The following MROH1 variants were observed in gnomAD, a reference collection of about 807,000 sequenced individuals.
MROH1 encodes the protein maestro heat-like repeat-containing protein family member 1.
Under a neutral mutation model 116.5 loss-of-function variants are expected in MROH1, and 117 were observed. That is an observed-to-expected ratio of 1.00 (90% CI 0.86 to 1.17). The LOEUF is 1.17. Among genes scored for constraint, MROH1 ranks in the 50% most tolerant of loss-of-function variants. The probability of loss-of-function intolerance (pLI) is 0.00; values close to 1 mark genes in which losing one functional copy is unlikely to be tolerated. For synonymous variants in MROH1, 921 were observed against 583.9 expected, an observed-to-expected ratio of 1.58 and a Z score of -8.32; for missense variants, 1,873 against 1,338.5, an observed-to-expected ratio of 1.40 and a Z score of -6.23.
At chr8:144,193,729 T>G (rs1829188536) in intron 10 of MROH1, among the ~76,000 whole-genome samples, 1 of 151,866 alleles carries the variant, frequency 6.6e-6, no homozygotes, top group Non-Finnish European at 1.5e-5. Context: ...TGCCTCAGCC[T>G]CCTGAGTAGC....
chr8:144,210,719 T>C (rs1833925941), intron 12 of MROH1, among the ~76,000 whole-genome samples: 1 of 152,088 alleles, frequency 6.6e-6, no homozygotes. Context: ...TATATATATA[T>C]ACATTCAAAT....
rs1189614086 is a variant in MROH1 at position 144,247,577 on chromosome 8, G to A, written c.3018G>A (p.Arg1006=). ...CCTGCCGCCTCTCAGGCTTCTCCCG[G>A]GACTACCGCGATGACGTGGCGGAGC... ...YLQLGYEGFS[R]DYRDDVAERL... is the part of the protein sequence containing the mutation. The change falls in exon 31 of 44, where the codon CGG becomes CGA. Residue 1006 remains arginine (R), a synonymous_variant. Coordinates refer to ENST00000326134, the MANE Select transcript of MROH1 (RefSeq NM_032450.3). 3 of 774,324 alleles carry A rather than the reference G, an allele frequency of 3.9e-6. No homozygotes were observed. Among genetic ancestry groups the A allele is most frequent in the Non-Finnish European group, 7.2e-6 (3 of 417,104 alleles). The allele number at this position is 774,324 out of a possible 1,614,324, so 48.0% of individuals were successfully genotyped here. A position where few individuals can be genotyped will look rare whatever the true frequency, so the allele number is the denominator to read the frequency against.
rs1352034402 is a variant in MROH1, at chr8:144,180,784, G to T, written c.562+261G>T. ...GGTCCACTGAGGGCTGGACGTGCCT[G>T]GGGGGTAGGAAGAGACTTCCTCGAA... is the stretch of plus-strand genomic sequence containing the variant. On this transcript the variant is annotated intron_variant, in intron 7 of 43. Transcript: ENST00000326134. The surrounding 1 kb of genome is among the most constrained non-coding windows in gnomAD (Gnocchi z 7.4). Among the ~76,000 whole-genome samples the T allele has an allele frequency of 1.3e-5, 2 of 152,230 alleles. No individual in the cohort carries two copies. The highest frequency in any genetic ancestry group is 4.8e-5 in the African/African-American group (2 of 41,540).
At chr8:144,241,220 G>A (rs1390731307) in intron 21 of MROH1, 109 bp downstream of exon 21, 1 of 699,222 alleles carries the variant, frequency 1.4e-6, no homozygotes, top group African/African-American at 1.8e-5. Flanking sequence ...GTGTGCGTGT[G>A]TGCATACACA....
intron 1 of MROH1, chr8:144,148,646 G>A (rs1815991517): frequency 6.5e-6 from 1 of 152,722 alleles, no homozygotes. Flanking sequence ...TCACGAGGAT[G>A]ACTGGTCATA....
At chr8:144,220,457 G>T in intron 12 of MROH1, 143 bp from the exon 13 acceptor site, 1 of 635,386 alleles carries the variant, frequency 1.6e-6, no homozygotes. Flanking sequence ...TTTGTCCCCT[G>T]AAGAAAAGTG....
rs915699208 is a variant in MROH1 at position 144,250,227 on chromosome 8, A to C, written c.3289A>C (p.Ser1097Arg). Residue 1097 changes from serine (S) to arginine (R), a missense_variant, in exon 33 of 44, where the codon AGC (serine) becomes CGC (arginine). By Grantham distance (110) the Ser-to-Arg change is moderately radical (BLOSUM62 -1). Transcript: ENST00000326134. Reference sequence around the variant, plus strand: ...CCATCTACAGGTGCCCGAGATCGTGAGCGTCCTGCGCTCCAAGCTTCAGGA... The same window carrying C: ...CCATCTACAGGTGCCCGAGATCGTGCGCGTCCTGCGCTCCAAGCTTCAGGA... ...VLQEKVPEIV[S>R]VLRSKLQEAQ... 231 of 767,556 alleles carry C rather than the reference A, an allele frequency of 3.0e-4. 1 individual carries two copies. In the African/African-American group the frequency reaches 3.6e-3, roughly 12 times the overall value. The allele number at this position is 767,556 out of a possible 1,614,324, so 47.5% of individuals were successfully genotyped here. A position where few individuals can be genotyped will look rare whatever the true frequency, so the allele number is the denominator to read the frequency against.
intron 10 of MROH1, among the ~76,000 whole-genome samples, chr8:144,195,021 C>T (rs13255456): frequency 6.6e-6 from 1 of 151,562 alleles, no homozygotes; most frequent in Non-Finnish European, 1.5e-5. Context: ...AAAACACTAT[C>T]TACAATAGCA....
intron 9 of MROH1, 110 bp from the exon 10 acceptor site, chr8:144,192,199 T>C (rs1467396327): frequency 2.2e-6 from 2 of 904,080 alleles, no homozygotes; most frequent in East Asian, 5.3e-5. Context: ...GGGGCCCATG[T>C]CCTCCTGGCC....
intron 14 of MROH1, among the ~76,000 whole-genome samples, chr8:144,224,483 T>C (rs923740208): frequency 6.6e-6 from 1 of 152,000 alleles, no homozygotes; most frequent in African/African-American, 2.4e-5. Context: ...CCAGGTTGCT[T>C]TCGAACTCTT....
In MROH1 at chr8:144,175,436, T is replaced by G. The variant is rs996584752; in HGVS notation, c.169-4019T>G. ...TGCTGCTCCCAGCTCAGCCATGCTC[T>G]GACTAGATAGAACCAGACCAATTTA... On this transcript the variant is annotated intron_variant, in intron 4 of 43. Transcript: ENST00000326134. 37 of 944,816 alleles carry G rather than the reference T, an allele frequency of 3.9e-5. No homozygotes were observed. The African/African-American group carries it at 5.7e-4, about 14-fold the overall frequency. The allele number at this position is 944,816 out of a possible 1,614,324, so 58.5% of individuals were successfully genotyped here.
chr8:144,254,974 T>C lies in MROH1; in HGVS notation c.3590T>C (p.Leu1197Pro), dbSNP rs1843436188. The C allele has an allele frequency of 5.2e-6, 4 of 762,668 alleles. No homozygotes were observed. The South Asian group carries it at 5.5e-5, about 11-fold the overall frequency. 47.2% of individuals were successfully genotyped at this position (762,668 alleles called of 1,614,324 possible). Reference sequence around the variant, plus strand: ...GACCGCGTGGCCACGCTGCTGCCTCTCTCGGTGAGTCGGGCTCTCGGGGCC... The same window carrying C: ...GACCGCGTGGCCACGCTGCTGCCTCCCTCGGTGAGTCGGGCTCTCGGGGCC... Reference protein sequence around the residue: ...TPDRVATLLPLSATCALFEVM... With the variant: ...TPDRVATLLPPSATCALFEVM... Residue 1197 changes from leucine to proline, a missense_variant, in exon 34 of 44, where the codon CTC (leucine) becomes CCC (proline). Physicochemically the swap from Leu to Pro is moderately conservative, Grantham distance 98. Transcript: ENST00000326134.
chr8:144,154,325 C>T (rs947686509), intron 1 of MROH1, among the ~76,000 whole-genome samples: 2 of 152,176 alleles, frequency 1.3e-5, no homozygotes, highest in Non-Finnish European at 2.9e-5. Flanking sequence ...CTATAGACCT[C>T]AGTCTATGGT....
At chr8:144,217,462 A>T (rs1015947622) in intron 12 of MROH1, among the ~76,000 whole-genome samples, 1 of 152,220 alleles carries the variant, frequency 6.6e-6, no homozygotes, top group Non-Finnish European at 1.5e-5. Context: ...AATCTGAAAC[A>T]CATCGGGTCG....
intron 4 of MROH1, among the ~76,000 whole-genome samples, chr8:144,174,069 G>C (rs1281036525): frequency 1.3e-5 from 2 of 152,174 alleles, no homozygotes; most frequent in Non-Finnish European, 2.9e-5. Context: ...TATAGGCACA[G>C]AATGAGGAGT....
At chr8:144,261,073 G>T in intron 41 of MROH1, 32 bp downstream of exon 41, 2 of 773,090 alleles carry the variant, frequency 2.6e-6, no homozygotes. Context: ...GGCGTGGTGG[G>T]TGGGGCGGGG....
chr8:144,151,224 G>A lies in MROH1; in HGVS notation c.-177+3148G>A, dbSNP rs1432865163. Among the ~76,000 whole-genome samples, 10 of 142,982 alleles carry A rather than the reference G, an allele frequency of 7.0e-5. No individual in the cohort carries two copies. In the East Asian group the frequency reaches 9.9e-4, roughly 14 times the overall value. 93.8% of individuals were successfully genotyped at this position (142,982 alleles called of 152,430 possible). A position where few individuals can be genotyped will look rare whatever the true frequency, so the allele number is the denominator to read the frequency against. On this transcript the variant is annotated intron_variant, in intron 1 of 43. Coordinates refer to ENST00000326134, the MANE Select transcript of MROH1 (RefSeq NM_032450.3). Reference sequence around the variant, plus strand: ...GATTGCGCCATTGCATTCCAGCCTGGGTGACAGAGCAATATTCTGTCTCAA... The same window carrying A: ...GATTGCGCCATTGCATTCCAGCCTGAGTGACAGAGCAATATTCTGTCTCAA...
Position 144,250,435 on chromosome 8 carries a change from G to A in MROH1, c.3428+69G>A, listed in dbSNP as rs936722675. On this transcript the variant is annotated intron_variant, in intron 33 of 43. Transcript: ENST00000326134. ...TGCTCCCCCTGGAATGATGCTCCCC[G>A]AGCCCTCCACCCGGCTCTGCACCCC... is the stretch of plus-strand genomic sequence containing the variant. 2.2e-4 allele frequency: 154 copies of A among 710,298 alleles called. 3 individuals carry two copies. The East Asian group carries it at 2.9e-3, about 13-fold the overall frequency. The allele number at this position is 710,298 out of a possible 1,614,324, so 44.0% of individuals were successfully genotyped here. A position where few individuals can be genotyped will look rare whatever the true frequency, so the allele number is the denominator to read the frequency against.
chr8:144,246,203 G>A (rs1488846581), intron 29 of MROH1, among the ~76,000 whole-genome samples: 1 of 151,436 alleles, frequency 6.6e-6, no homozygotes, highest in African/African-American at 2.4e-5. Context: ...CCGCCTCCTG[G>A]GTTCAAGCGA....
Sources: allele counts gnomAD v4.1 joint callset (sites outside exome capture counted in the v4.1 genomes callset), GRCh38; gene constraint gnomAD v4.1.1; non-coding constraint Gnocchi (gnomAD v3.1); transcripts MANE v1.5; gene names NCBI Gene and HGNC (gene_info 2026-07-23, HGNC 2026-07-21).